Variants in GRIP1 observed in about 807,000 individuals in gnomAD.
GRIP1 encodes glutamate receptor interacting protein 1.
A neutral mutation model predicts 129.9 loss-of-function variants in GRIP1; 45 were observed. The observed-to-expected ratio is 0.35, with a 90% CI of 0.27 to 0.44. The LOEUF (loss-of-function observed/expected upper bound fraction) is 0.44, where lower values mean the gene tolerates loss of function less well. Ranked by LOEUF, GRIP1 falls within the 20% of genes least tolerant of loss-of-function variation. The pLI is 1.00. For missense variants in GRIP1, 1,196 were observed against 1,396.8 expected (o/e 0.86, Z 2.29); for synonymous variants, 530 against 520.8 (o/e 1.02, Z -0.24).
At chr12:66,952,882 C>A (rs2041780014) in intron 1 of GRIP1, among the ~76,000 whole-genome samples, 1 of 152,098 alleles carries the variant, frequency 6.6e-6, no homozygotes, top group South Asian at 2.1e-4. Context: ...TGTTTTTAGT[C>A]CATTTTTATT....
chr12:66,527,490 C>T (rs953300311), intron 5 of GRIP1, among the ~76,000 whole-genome samples: 3 of 151,300 alleles, frequency 2.0e-5, no homozygotes, highest in African/African-American at 7.3e-5. Flanking sequence ...AACATGGACA[C>T]AGGAAGGGGA....
intron 15 of GRIP1, among the ~76,000 whole-genome samples, chr12:66,418,741 AGAT>A (rs2057699222): frequency 6.6e-6 from 1 of 152,208 alleles, no homozygotes; most frequent in African/African-American, 2.4e-5. Context: ...AACTACAATG[AGAT>A]ATCATCTGAC....
intron 1 of GRIP1, among the ~76,000 whole-genome samples, chr12:67,054,824 G>GA (rs1456019947): frequency 6.6e-6 from 1 of 151,958 alleles, no homozygotes; most frequent in Non-Finnish European, 1.5e-5. Context: ...GGGCATGAGG[G>GA]AAAAAACACC....
chr12:66,671,091 T>TG (rs1306518993), intron 1 of GRIP1, among the ~76,000 whole-genome samples: 3 of 152,154 alleles, frequency 2.0e-5, no homozygotes, highest in Non-Finnish European at 4.4e-5. Flanking sequence ...TCACAATCTC[T>TG]GGGGTTGGAT....
chr12:66,357,880 G>T (rs1431027584), intron 23 of GRIP1, among the ~76,000 whole-genome samples: 1 of 152,134 alleles, frequency 6.6e-6, no homozygotes, highest in Non-Finnish European at 1.5e-5. Context: ...TATAAATTTT[G>T]ATATATTCAA....
At chr12:67,059,834 C>T (rs1565660863) in intron 1 of GRIP1, among the ~76,000 whole-genome samples, 2 of 152,164 alleles carry the variant, frequency 1.3e-5, no homozygotes, top group African/African-American at 4.8e-5. Flanking sequence ...CCATGCCAGT[C>T]AAGAAACTGT....
At chr12:66,445,540 G>C in intron 11 of GRIP1, 32 bp from the exon 12 acceptor site, 1 of 1,543,172 alleles carries the variant, frequency 6.5e-7, no homozygotes, top group Non-Finnish European at 8.9e-7. Context: ...ACTGACTTTA[G>C]GTTGGAGCAA....
intron 1 of GRIP1, among the ~76,000 whole-genome samples, chr12:66,771,595 C>T (rs1318890739): frequency 6.6e-6 from 1 of 152,146 alleles, no homozygotes; most frequent in Non-Finnish European, 1.5e-5. Flanking sequence ...TTTGGTCAAT[C>T]CCAGCGCAGA....
chr12:66,364,446 T>C (rs2055016577), intron 23 of GRIP1, among the ~76,000 whole-genome samples: 1 of 152,072 alleles, frequency 6.6e-6, no homozygotes, highest in Non-Finnish European at 1.5e-5. Context: ...CCTACATAGG[T>C]AGCTGTATAC....
chr12:66,375,295 C>T (rs1475760559), intron 22 of GRIP1, among the ~76,000 whole-genome samples: 1 of 152,020 alleles, frequency 6.6e-6, no homozygotes, highest in Non-Finnish European at 1.5e-5. Context: ...AAAGTTGAAC[C>T]TAAATTATTG....
intron 8 of GRIP1, among the ~76,000 whole-genome samples, chr12:66,465,070 G>A (rs560770265): frequency 8.3e-4 from 126 of 151,304 alleles, no homozygotes; most frequent in African/African-American, 2.9e-3. Flanking sequence ...TCAGCCTCCC[G>A]AGTAGCTGGG....
chr12:66,901,418 G>C (rs974515088), intron 1 of GRIP1, among the ~76,000 whole-genome samples: 15 of 152,250 alleles, frequency 9.9e-5, no homozygotes, highest in African/African-American at 2.4e-5. Context: ...CTGGTGGAAA[G>C]GGAGGCCCTC....
At chr12:66,783,960 C>T (rs969900473) in intron 1 of GRIP1, among the ~76,000 whole-genome samples, 1 of 152,082 alleles carries the variant, frequency 6.6e-6, no homozygotes, top group Non-Finnish European at 1.5e-5. Context: ...CATTTCCTTT[C>T]AATTCATTCA....
At chr12:66,378,579 T>C (rs989269559) in intron 20 of GRIP1, among the ~76,000 whole-genome samples, 1 of 151,688 alleles carries the variant, frequency 6.6e-6, no homozygotes, top group Non-Finnish European at 1.5e-5. Flanking sequence ...AAACCCCATC[T>C]CTAGTAAAAA....
intron 1 of GRIP1, among the ~76,000 whole-genome samples, chr12:66,727,054 C>G (rs2036278025): frequency 6.6e-6 from 1 of 152,180 alleles, no homozygotes; most frequent in Non-Finnish European, 1.5e-5. Context: ...CTCTAACACA[C>G]AGCTCAAATT....
chr12:66,930,861 C>T (rs967924280), intron 1 of GRIP1, among the ~76,000 whole-genome samples: 1 of 152,066 alleles, frequency 6.6e-6, no homozygotes, highest in Non-Finnish European at 1.5e-5. Flanking sequence ...AATCTGATTG[C>T]CAGGGAGCAG....
chr12:66,620,450 A>G (rs775937197), intron 1 of GRIP1, among the ~76,000 whole-genome samples: 1 of 152,118 alleles, frequency 6.6e-6, no homozygotes, highest in Admixed American at 6.6e-5. Flanking sequence ...TTTGATTCAC[A>G]TTCCTGAGTA....
intron 1 of GRIP1, among the ~76,000 whole-genome samples, chr12:66,893,182 C>CTT (rs996369449): frequency 6.6e-6 from 1 of 150,830 alleles, no homozygotes; most frequent in African/African-American, 2.4e-5. Context: ...TTGGAATTGG[C>CTT]TTTTTTTTTC....
intron 1 of GRIP1, among the ~76,000 whole-genome samples, chr12:67,029,756 G>T (rs2042994007): frequency 6.6e-6 from 1 of 151,996 alleles, no homozygotes; most frequent in African/African-American, 2.4e-5. Flanking sequence ...CATGTTGATG[G>T]AAACCTTAAC....
Sources: gnomAD v4.1 joint callset for allele counts (sites outside exome capture counted in the v4.1 genomes callset) on GRCh38, gnomAD v4.1.1 for gene constraint, MANE v1.5 for transcripts, NCBI Gene and HGNC (gene_info 2026-07-23, HGNC 2026-07-21) for gene names.